ATP13A3: variants seen among roughly 807,000 people sequenced by gnomAD.
The protein encoded by ATP13A3 is polyamine-transporting ATPase 13A3.
ATP13A3 carries 59 observed loss-of-function variants against 158.1 expected under a neutral mutation model. That is an observed-to-expected ratio of 0.37 (90% CI 0.30 to 0.46). The LOEUF is 0.46. ATP13A3 is among the 20% of genes least tolerant of loss of function. ATP13A3 has a pLI of 1.00. For missense variants in ATP13A3, 1,166 were observed against 1,525.2 expected, an observed-to-expected ratio of 0.76 and a Z score of 3.92; for synonymous variants, 491 against 504.3, an observed-to-expected ratio of 0.97 and a Z score of 0.35.
intron 30 of ATP13A3, among the ~76,000 whole-genome samples, chr3:194,421,916 A>G (rs1258928003): frequency 1.4e-5 from 2 of 141,334 alleles, no homozygotes; most frequent in African/African-American, 5.8e-5. Flanking sequence ...CAGATTTGCG[A>G]CCTGGTTCTT....
chr3:194,409,692 A>ATTTT (rs1715207299), intron 33 of ATP13A3, among the ~76,000 whole-genome samples: 1 of 107,766 alleles, frequency 9.3e-6, no homozygotes, highest in African/African-American at 6.7e-5. Flanking sequence ...TGACGTAAAG[A>ATTTT]ATTTTTTTTT....
Position 194,429,726 on chromosome 3 carries a change from C to T in ATP13A3, c.2826G>A (p.Met942Ile), listed in dbSNP as rs1219927942. The change falls in exon 27 of 34, where the codon ATG becomes ATA. Residue 942 changes from methionine (M) to isoleucine (I), a missense_variant. Met to Ile is a conservative substitution (Grantham distance 10). Around this residue, in one of 3 missense-constraint regions of ATP13A3, gnomAD observed 997 missense variants for 1,341.2 expected, o/e 0.74. Transcript: ENST00000645319. ...AGTACTGGATAATGCTGTACAATGC[C>T]ATGAATTTAAACACACAGAAGGAAG... Reference protein sequence around the residue: ...LITSFCVFKFMALYSIIQYFS... With the variant: ...LITSFCVFKFIALYSIIQYFS... The T allele has an allele frequency of 6.2e-7, 1 of 1,613,966 alleles. No homozygotes were observed. The highest frequency in any genetic ancestry group is 2.2e-5 in the East Asian group (1 of 44,850).
intron 31 of ATP13A3, among the ~76,000 whole-genome samples, chr3:194,415,902 A>G (rs1381700419): frequency 6.6e-6 from 1 of 152,224 alleles, no homozygotes; most frequent in Non-Finnish European, 1.5e-5. Flanking sequence ...CAAACTTTGT[A>G]AGTTTAAGTT....
intron 16 of ATP13A3, 139 bp from the exon 17 acceptor site, chr3:194,439,111 C>CAAAT (rs1717868071): frequency 7.3e-6 from 4 of 545,362 alleles, no homozygotes; most frequent in Non-Finnish European, 6.3e-6. Context: ...GTCCAAGGAA[C>CAAAT]AAATGAGCAC....
At chr3:194,425,793 AT>A (rs1716726191) in intron 29 of ATP13A3, among the ~76,000 whole-genome samples, 1 of 152,138 alleles carries the variant, frequency 6.6e-6, no homozygotes, top group South Asian at 2.1e-4. Flanking sequence ...AGTTTTTTTA[AT>A]TTTGGGAGTA....
Position 194,460,714 on chromosome 3 carries a change from C to T in ATP13A3, c.169G>A (p.Ala57Thr), listed in dbSNP as rs776496097. 3.1e-5 allele frequency: 50 copies of T among 1,613,996 alleles called. No individual in the cohort carries two copies. The highest frequency in any genetic ancestry group is 3.5e-5 in the Non-Finnish European group (41 of 1,180,002). Residue 57 changes from alanine to threonine, a missense_variant, in exon 4 of 34, where the codon GCG becomes ACG. This residue lies in a region of ATP13A3 where 65 missense variants were observed against 92.4 expected (regional missense o/e 0.70). Coordinates refer to ENST00000645319, the MANE Select transcript of ATP13A3 (RefSeq NM_001367549.1). ...TTAATTGCAGCTCTGACACAGGTCG[C>T]TTTCACCCGCCACTCAGGCATCCAA... is the stretch of plus-strand genomic sequence containing the variant. Reference protein sequence around the residue: ...LYWMPEWRVKATCVRAAIKDC... With the variant: ...LYWMPEWRVKTTCVRAAIKDC...
chr3:194,432,087 A>C, intron 21 of ATP13A3, 195 bp from the exon 22 acceptor site: 1 of 486,754 alleles, frequency 2.1e-6, no homozygotes, highest in African/African-American at 2.0e-5. Flanking sequence ...AAATAACGCA[A>C]GCACGTTATA....
chr3:194,450,449 C>A, intron 10 of ATP13A3, 173 bp from the exon 11 acceptor site: 1 of 607,938 alleles, frequency 1.6e-6, no homozygotes, highest in Non-Finnish European at 2.8e-6. Context: ...GCTAACAAAG[C>A]ACGGTGTGTC....
intron 27 of ATP13A3, among the ~76,000 whole-genome samples, chr3:194,429,461 C>T (rs73071110): frequency 0.022 from 3,394 of 152,230 alleles, 116 homozygotes; most frequent in African/African-American, 0.077. Flanking sequence ...CAAATGCAAA[C>T]CATTCTCCAA....
At position 194,425,444 on chromosome 3, in the gene ATP13A3, A is replaced by C; in HGVS notation, c.3211T>G (p.Tyr1071Asp). Residue 1071 changes from tyrosine (Y) to aspartate (D), a missense_variant, in exon 30 of 34, where the codon TAT becomes GAT. Coordinates refer to ENST00000645319, the MANE Select transcript of ATP13A3 (RefSeq NM_001367549.1). ...TELDEHNIQN[Y>D]ENTTVFFISS... ...ATAAAAAACACTGTGGTATTTTCAT[A>C]ATTTTGTATATTATGTTCATCAAGT... 6.2e-7 allele frequency: 1 copy of C among 1,613,284 alleles called. No homozygotes were observed. The highest frequency in any genetic ancestry group is 8.5e-7 in the Non-Finnish European group (1 of 1,179,284).
Position 194,403,998 on chromosome 3 carries a change from C to T in ATP13A3, c.*1921G>A, listed in dbSNP as rs753947007. The T allele has an allele frequency of 5.2e-6, 2 of 383,178 alleles. No homozygotes were observed. Among genetic ancestry groups the T allele is most frequent in the South Asian group, 3.8e-5 (2 of 52,876 alleles). The allele number at this position is 383,178 out of a possible 1,614,324, so 23.7% of individuals were successfully genotyped here. ...ACAATCGGATAATTGAATTTTTAAGCTGCTACTTAGCAATTACTTTCATTA... is the reference window on the plus strand; with the variant it reads ...ACAATCGGATAATTGAATTTTTAAGTTGCTACTTAGCAATTACTTTCATTA... On this transcript the variant is annotated 3_prime_UTR_variant, in exon 34 of 34. Transcript: ENST00000645319.
chr3:194,426,529 T>G (rs535351156), intron 29 of ATP13A3, among the ~76,000 whole-genome samples: 8 of 152,296 alleles, frequency 5.3e-5, no homozygotes, highest in Admixed American at 1.3e-4. Context: ...AATTCCAACT[T>G]TCTTATTTTA....
upstream of ATP13A3, among the ~76,000 whole-genome samples, chr3:194,491,959 C>T (rs1328364361): frequency 1.3e-5 from 2 of 152,176 alleles, no homozygotes; most frequent in African/African-American, 4.8e-5. Context: ...TGCCCTTGCC[C>T]ACCTCCAGTG....
chr3:194,437,001 CAATA>C (rs1229152842), intron 20 of ATP13A3, 90 bp downstream of exon 20: 3 of 1,389,054 alleles, frequency 2.2e-6, no homozygotes, highest in South Asian at 1.3e-5. Context: ...TTCATACATT[CAATA>C]AATACTCAAT....
In ATP13A3 at chr3:194,409,693, ATTTTTT is replaced by A. The variant is rs71179358; in HGVS notation, c.3573+2500_3573+2505del. On this transcript the variant is annotated intron_variant, in intron 33 of 33. Coordinates refer to ENST00000645319, the MANE Select transcript of ATP13A3 (RefSeq NM_001367549.1). ...TGCTTGATAATCACTGACGTAAAGA[ATTTTTT>A]TTTTTTTTTTTTTTTTTTTTTGGTC... Among the ~76,000 whole-genome samples the A allele has an allele frequency of 3.2e-3, 301 of 93,982 alleles. 2 individuals carry two copies. The highest frequency in any genetic ancestry group is 0.011 in the Admixed American group (99 of 8,836). The allele number at this position is 93,982 out of a possible 152,430, so 61.7% of individuals were successfully genotyped here.
At position 194,428,970 on chromosome 3, in the gene ATP13A3, C is replaced by T. The variant is rs955206098; in HGVS notation, c.2875-53G>A. The T allele has an allele frequency of 8.0e-6, 10 of 1,243,910 alleles. No homozygotes were observed. In the Admixed American group the frequency reaches 9.0e-5, roughly 11 times the overall value. The allele number at this position is 1,243,910 out of a possible 1,614,324, so 77.1% of individuals were successfully genotyped here. A position where few individuals can be genotyped will look rare whatever the true frequency, so the allele number is the denominator to read the frequency against. On this transcript the variant is annotated intron_variant, in intron 27 of 33. Transcript: ENST00000645319. ...TAGTTTTTGGGAATTATTTTTATAG[C>T]GTCCCCAGGTTTTATTAATAGTTTG...
At chr3:194,447,659 G>C (rs1483731307) in intron 13 of ATP13A3, among the ~76,000 whole-genome samples, 193 bp downstream of exon 13, 5 of 151,554 alleles carry the variant, frequency 3.3e-5, no homozygotes, top group Non-Finnish European at 2.9e-5. Context: ...CCTTTACAAT[G>C]GAAATGTTCT....
At chr3:194,472,404 T>C in intron 2 of ATP13A3, among the ~76,000 whole-genome samples, 1 of 152,170 alleles carries the variant, frequency 6.6e-6, no homozygotes, top group Non-Finnish European at 1.5e-5. Flanking sequence ...ATTTCTACAA[T>C]AAGTATCAAC....
At chr3:194,473,787 C>T (rs1216721943) in intron 2 of ATP13A3, among the ~76,000 whole-genome samples, 1 of 152,018 alleles carries the variant, frequency 6.6e-6, no homozygotes, top group Non-Finnish European at 1.5e-5. Context: ...ACCTGAACGT[C>T]CATCAATAGA....
Sources: gnomAD v4.1 joint callset for allele counts (sites outside exome capture counted in the v4.1 genomes callset) on GRCh38, gnomAD v4.1.1 for gene constraint, gnomAD v4.1.1 regional missense constraint, MANE v1.5 for transcripts, NCBI Gene and HGNC (gene_info 2026-07-23, HGNC 2026-07-21) for gene names.